The following MAP4K3 variants were observed in gnomAD, a reference collection of about 807,000 sequenced individuals.
MAP4K3 encodes mitogen-activated protein kinase kinase kinase kinase 3.
Under a neutral mutation model 143.5 loss-of-function variants are expected in MAP4K3, and 94 were observed. That is an observed-to-expected ratio of 0.65 (90% CI 0.55 to 0.78). The LOEUF is 0.78. Among genes scored for constraint, MAP4K3 ranks in the 30% least tolerant of loss-of-function variants. MAP4K3 has a pLI of 0.00. For missense variants in MAP4K3, 1,077 were observed against 1,068.1 expected (o/e 1.01, Z -0.12); for synonymous variants, 416 against 347.2 (o/e 1.20, Z -2.20).
chr2:39,364,321 T>C (rs925578585), intron 2 of MAP4K3, among the ~76,000 whole-genome samples: 10 of 152,220 alleles, frequency 6.6e-5, no homozygotes, highest in Admixed American at 1.3e-4. Flanking sequence ...TTCTAGAGCA[T>C]AATGTATAAC....
intron 4 of MAP4K3, among the ~76,000 whole-genome samples, chr2:39,341,374 G>A (rs1052467371): frequency 1.3e-5 from 2 of 152,074 alleles, no homozygotes; most frequent in Non-Finnish European, 2.9e-5. Flanking sequence ...AAAAACTTCA[G>A]GAGGCCGGGC....
At chr2:39,384,471 G>A (rs1357654665) in intron 1 of MAP4K3, among the ~76,000 whole-genome samples, 3 of 152,200 alleles carry the variant, frequency 2.0e-5, no homozygotes, top group Non-Finnish European at 2.9e-5. Flanking sequence ...GCTTGAACCC[G>A]GGAGGCGGAA....
At chr2:39,431,705 A>G (rs1206287060) in intron 1 of MAP4K3, among the ~76,000 whole-genome samples, 1 of 152,252 alleles carries the variant, frequency 6.6e-6, no homozygotes, top group Non-Finnish European at 1.5e-5. Context: ...TTAGAAGGAC[A>G]GTAGGAGGAG....
At chr2:39,375,232 C>A (rs1666186162) in intron 2 of MAP4K3, among the ~76,000 whole-genome samples, 2 of 152,120 alleles carry the variant, frequency 1.3e-5, no homozygotes, top group South Asian at 2.1e-4. Context: ...GCACTCCAGC[C>A]TGGGCTACAG....
At chr2:39,415,930 G>C (rs562649091) in intron 1 of MAP4K3, among the ~76,000 whole-genome samples, 3 of 107,080 alleles carry the variant, frequency 2.8e-5, no homozygotes, top group Admixed American at 1.2e-4. Context: ...TCCAGTCTGG[G>C]CGAGAGAGCA....
chr2:39,306,280 T>A (rs752737116), intron 15 of MAP4K3, among the ~76,000 whole-genome samples: 1 of 152,270 alleles, frequency 6.6e-6, no homozygotes, highest in African/African-American at 2.4e-5. Flanking sequence ...CTAGCCTACG[T>A]GTGTAATTCT....
chr2:39,267,118 G>T (rs1680798111), intron 27 of MAP4K3, 71 bp downstream of exon 27: 3 of 1,382,918 alleles, frequency 2.2e-6, no homozygotes, highest in Non-Finnish European at 3.1e-6. Context: ...AATGCCCTGG[G>T]GTAGTACTGT....
At chr2:39,255,432 AATTGTACCAG>A (rs1680306246) in intron 31 of MAP4K3, among the ~76,000 whole-genome samples, 1 of 152,172 alleles carries the variant, frequency 6.6e-6, no homozygotes, top group Non-Finnish European at 1.5e-5. Flanking sequence ...GCAGGTAAGC[AATTGTACCAG>A]CATCATTTGT....
chr2:39,324,699 T>C (rs1376523771), intron 12 of MAP4K3, among the ~76,000 whole-genome samples: 1 of 152,196 alleles, frequency 6.6e-6, no homozygotes, highest in Non-Finnish European at 1.5e-5. Flanking sequence ...AGTTAAAGCC[T>C]ATCCACTTCT....
chr2:39,379,822 A>G (rs1666313850), intron 1 of MAP4K3: 1 of 168,638 alleles, frequency 5.9e-6, no homozygotes, highest in Admixed American at 6.5e-5. Flanking sequence ...GAAAGCTAGG[A>G]TGATTATAAC....
At chr2:39,376,865 A>G (rs1156970701) in intron 2 of MAP4K3, among the ~76,000 whole-genome samples, 2 of 152,220 alleles carry the variant, frequency 1.3e-5, no homozygotes, top group South Asian at 4.1e-4. Context: ...TTTGTAGCTA[A>G]TATTTCAACA....
intron 1 of MAP4K3, among the ~76,000 whole-genome samples, chr2:39,395,321 G>A (rs1260064621): frequency 6.4e-5 from 5 of 78,502 alleles, no homozygotes; most frequent in Non-Finnish European, 9.8e-5. Flanking sequence ...CTACATGCAC[G>A]TACACATACA....
intron 1 of MAP4K3, among the ~76,000 whole-genome samples, chr2:39,405,586 A>C (rs1667071992): frequency 6.6e-6 from 1 of 152,154 alleles, no homozygotes; most frequent in Admixed American, 6.5e-5. Flanking sequence ...TAAGACACCA[A>C]GGCTGGGCAC....
intron 2 of MAP4K3, among the ~76,000 whole-genome samples, chr2:39,374,651 C>A (rs1464274702): frequency 6.6e-6 from 1 of 151,968 alleles, no homozygotes; most frequent in Non-Finnish European, 1.5e-5. Context: ...CACTGCACTC[C>A]AGCCTGGGCA....
At chr2:39,298,353 T>C (rs1025261017) in intron 16 of MAP4K3, among the ~76,000 whole-genome samples, 3 of 152,074 alleles carry the variant, frequency 2.0e-5, no homozygotes, top group African/African-American at 7.2e-5. Flanking sequence ...CTAATAATAA[T>C]AATGACTTAA....
rs950692621 is a variant in MAP4K3 at position 39,252,522 on chromosome 2, A to G, written c.2542-637T>C. On this transcript the variant is annotated intron_variant, in intron 32 of 33. Coordinates refer to ENST00000263881, the MANE Select transcript of MAP4K3 (RefSeq NM_003618.4). ...ACTTCTTCCCCATTCTCTTGAAATA[A>G]TATTTTCTAATGACCATATATCCTT... Among the ~76,000 whole-genome samples the G allele has an allele frequency of 1.5e-4, 23 of 152,354 alleles. No homozygotes were observed. The South Asian group carries it at 3.1e-3, about 21-fold the overall frequency.
At chr2:39,265,422 A>G in intron 27 of MAP4K3, 116 bp from the exon 28 acceptor site, 1 of 756,986 alleles carries the variant, frequency 1.3e-6, no homozygotes, top group Non-Finnish European at 2.3e-6. Context: ...CAAAATCAAA[A>G]GCTGGTTGCC....
At chr2:39,368,028 G>A (rs1207934511) in intron 2 of MAP4K3, among the ~76,000 whole-genome samples, 1 of 152,082 alleles carries the variant, frequency 6.6e-6, no homozygotes, top group African/African-American at 2.4e-5. Flanking sequence ...AACCTGTTTG[G>A]TCTCCTTTTC....
chr2:39,274,571 TC>T (rs1681170518), intron 24 of MAP4K3, among the ~76,000 whole-genome samples: 1 of 152,202 alleles, frequency 6.6e-6, no homozygotes, highest in Non-Finnish European at 1.5e-5. Context: ...TACTAGATTT[TC>T]AATGCTTTCT....
Sources: gnomAD v4.1 joint callset for allele counts (sites outside exome capture counted in the v4.1 genomes callset) on GRCh38, gnomAD v4.1.1 for gene constraint, MANE v1.5 for transcripts, NCBI Gene and HGNC (gene_info 2026-07-23, HGNC 2026-07-21) for gene names.